The following NOP9 variants were observed in gnomAD, a reference collection of about 807,000 sequenced individuals.
NOP9 encodes nucleolar protein 9.
NOP9 carries 50 observed loss-of-function variants against 63.0 expected under a neutral mutation model. That is an observed-to-expected ratio of 0.79 (90% CI 0.63 to 1.00). The LOEUF (loss-of-function observed/expected upper bound fraction) is 1.00, where lower values mean the gene tolerates loss of function less well. NOP9 is among the 50% of genes least tolerant of loss of function. The probability of loss-of-function intolerance (pLI) is 0.00; values close to 1 mark genes in which losing one functional copy is unlikely to be tolerated. For synonymous variants in NOP9, 343 were observed against 332.8 expected, an observed-to-expected ratio of 1.03 and a Z score of -0.33; for missense variants, 758 against 803.0, an observed-to-expected ratio of 0.94 and a Z score of 0.68.
At chr14:24,294,950 A>G (rs1156876602), upstream of NOP9, among the ~76,000 whole-genome samples, 1 of 152,090 alleles carries the variant, frequency 6.6e-6, no homozygotes, top group Non-Finnish European at 1.5e-5. Context: ...TTGTCTTGAT[A>G]TAAAAAATTG....
At chr14:24,304,298 C>T in intron 8 of NOP9, 21 bp downstream of exon 8, 1 of 1,585,328 alleles carries the variant, frequency 6.3e-7, no homozygotes. Context: ...TGGCTTTTGC[C>T]TTGATTCCCC....
At chr14:24,290,903 G>A in the NOP9 span, 9 of 1,613,902 alleles carry the variant, frequency 5.6e-6, no homozygotes, top group South Asian at 5.5e-5. Flanking sequence ...TTGGGCACAC[G>A]GAGGAAGGAG....
chr14:24,302,088 G>A lies in NOP9; in HGVS notation c.932G>A (p.Gly311Asp), dbSNP rs1360941584. ...NAVIGYLSTRGSSVDGSPLLL... is the reference protein window; with the variant it reads ...NAVIGYLSTRDSSVDGSPLLL... The stretch of plus-strand genomic sequence containing the variant: ...GTGATTGGCTACCTGAGTACTCGCG[G>A]TTCCTCAGTAGATGGCAGGTATGGT... The change falls in exon 4 of 10, where the codon GGT becomes GAT. Residue 311 changes from glycine (G) to aspartate (D), a missense_variant. Coordinates refer to ENST00000267425, the MANE Select transcript of NOP9 (RefSeq NM_174913.3). 1.2e-6 allele frequency: 2 copies of A among 1,613,750 alleles called. No homozygotes were observed. The highest frequency in any genetic ancestry group is 1.1e-5 in the South Asian group (1 of 90,990).
the NOP9 span, chr14:24,291,448 G>A: frequency 7.8e-7 from 1 of 1,279,434 alleles, no homozygotes. Flanking sequence ...GCAGAGAAAA[G>A]AATGACATGT....
chr14:24,306,506 C>T lies in NOP9; in HGVS notation c.*1411C>T. On this transcript the variant is annotated 3_prime_UTR_variant, in exon 10 of 10. Coordinates refer to ENST00000267425, the MANE Select transcript of NOP9 (RefSeq NM_174913.3). Reference sequence around the variant, plus strand: ...GCACCAGGGTTAGCACTCCATTCAGCAGTAGGGTCTCCAATGCCTGCCCAA... The same window carrying T: ...GCACCAGGGTTAGCACTCCATTCAGTAGTAGGGTCTCCAATGCCTGCCCAA... The T allele has an allele frequency of 6.2e-7, 1 of 1,614,248 alleles. No individual in the cohort carries two copies. The highest frequency in any genetic ancestry group is 8.5e-7 in the Non-Finnish European group (1 of 1,180,040).
At chr14:24,293,620 G>A in the NOP9 span, 3 of 144,400 alleles carry the variant, frequency 2.1e-5, no homozygotes, top group East Asian at 2.0e-4. Context: ...GGAAAATTCC[G>A]AAAAAAGGAC....
the NOP9 span, chr14:24,294,738 A>G: frequency 6.6e-6 from 1 of 152,254 alleles, no homozygotes; most frequent in Non-Finnish European, 1.5e-5. Context: ...AATTAATGCG[A>G]AAGTCAAAGA....
chr14:24,299,375 A>G (rs1214767915), upstream of NOP9: 2 of 368,062 alleles, frequency 5.4e-6, no homozygotes, highest in Non-Finnish European at 5.0e-6. Flanking sequence ...GACAACTACT[A>G]CAACCCTCTG....
Position 24,300,831 on chromosome 14 carries a change from C to G in NOP9, c.671C>G (p.Ala224Gly), listed in dbSNP as rs962105620. The stretch of plus-strand genomic sequence containing the variant: ...GGGACTATTCTGGAGTCTGAGAGAG[C>G]CAGGCCCCGTGGTTCCCAATCATCT... Reference protein sequence around the residue: ...LGGTILESERARPRGSQSSEA... With the variant: ...LGGTILESERGRPRGSQSSEA... The change falls in exon 2 of 10, where the codon GCC becomes GGC. Residue 224 changes from alanine (A) to glycine (G), a missense_variant. Physicochemically the swap from Ala to Gly is moderately conservative, Grantham distance 60 (BLOSUM62 0). Transcript: ENST00000267425. 1.4e-5 allele frequency: 23 copies of G among 1,613,286 alleles called. No individual in the cohort carries two copies. The highest frequency in any genetic ancestry group is 1.8e-5 in the Non-Finnish European group (21 of 1,179,514).
At chr14:24,284,917 CCT>C in the NOP9 span, among the ~76,000 whole-genome samples, 1 of 152,162 alleles carries the variant, frequency 6.6e-6, no homozygotes, top group Non-Finnish European at 1.5e-5. Flanking sequence ...ACTTCCCTGG[CCT>C]GCCAGAGACC....
chr14:24,292,592 G>T, the NOP9 span: 1 of 1,613,712 alleles, frequency 6.2e-7, no homozygotes, highest in South Asian at 1.1e-5. Context: ...TGTACCTCCT[G>T]AGCTATAGGT....
chr14:24,275,947 G>A, the NOP9 span, among the ~76,000 whole-genome samples: 4 of 152,228 alleles, frequency 2.6e-5, no homozygotes, highest in Non-Finnish European at 4.4e-5. Flanking sequence ...CTGTGACAAT[G>A]GAAGTGTTTG....
At position 24,306,362 on chromosome 14, in the gene NOP9, T is replaced by G; in HGVS notation, c.*1267T>G. ...ACAGGCATTGGAAGCAGCCCCAGTA[T>G]AGGCCTCTTACCCTTGTAGGGCTCC... On this transcript the variant is annotated 3_prime_UTR_variant, in exon 10 of 10. Coordinates refer to ENST00000267425, the MANE Select transcript of NOP9 (RefSeq NM_174913.3). 2 of 1,614,210 alleles carry G rather than the reference T, an allele frequency of 1.2e-6. No homozygotes were observed. Among genetic ancestry groups the G allele is most frequent in the Non-Finnish European group, 1.7e-6 (2 of 1,180,028 alleles).
the NOP9 span, among the ~76,000 whole-genome samples, chr14:24,284,219 C>T: frequency 2.6e-5 from 4 of 152,164 alleles, no homozygotes; most frequent in African/African-American, 9.7e-5. Flanking sequence ...CTGGCTGTGG[C>T]GACCCCTCCC....
At chr14:24,295,745 CCA>C (rs2041238745), upstream of NOP9, among the ~76,000 whole-genome samples, 1 of 152,242 alleles carries the variant, frequency 6.6e-6, no homozygotes, top group South Asian at 2.1e-4. Context: ...GATCTTCCTT[CCA>C]CTTTGGAAAT....
upstream of NOP9, chr14:24,296,693 G>C: frequency 6.2e-7 from 1 of 1,614,062 alleles, no homozygotes; most frequent in South Asian, 1.1e-5. Flanking sequence ...GGGGTCTGAG[G>C]GGGAGGTCAG....
At chr14:24,275,119 T>C in the NOP9 span, among the ~76,000 whole-genome samples, 21 of 148,074 alleles carry the variant, frequency 1.4e-4, no homozygotes, top group Non-Finnish European at 2.1e-4. Context: ...TCCTTGTTGG[T>C]CAGGCTGGTC....
chr14:24,304,249 T>C lies in NOP9; in HGVS notation c.1619T>C (p.Leu540Pro), dbSNP rs776499414. 2 of 1,614,016 alleles carry C rather than the reference T, an allele frequency of 1.2e-6. No individual in the cohort carries two copies. ...ACCAGCCCCTCTGTGACGCGCAAGC[T>C]GCGCCGCCGTGTGCTGCAGAACCTA... The part of the protein sequence containing the change: ...ILTSPSVTRK[L>P]RRRVLQNLKG... The change falls in exon 8 of 10, where the codon CTG (leucine) becomes CCG (proline). Residue 540 changes from leucine to proline, a missense_variant. By Grantham distance (98) the Leu-to-Pro change is moderately conservative. Coordinates refer to ENST00000267425, the MANE Select transcript of NOP9 (RefSeq NM_174913.3).
the NOP9 span, chr14:24,271,348 T>C: frequency 2.2e-6 from 1 of 450,392 alleles, no homozygotes. Context: ...CGTGTGGCCC[T>C]TCCTATAGCC....
Sources: gnomAD v4.1 joint callset for allele counts (sites outside exome capture counted in the v4.1 genomes callset) on GRCh38, gnomAD v4.1.1 for gene constraint, MANE v1.5 for transcripts, NCBI Gene and HGNC (gene_info 2026-07-23, HGNC 2026-07-21) for gene names.